The following ATG7 variants were observed in gnomAD, a reference collection of about 807,000 sequenced individuals.
The protein encoded by ATG7 is autophagy related 7.
Under a neutral mutation model 82.4 loss-of-function variants are expected in ATG7, and 70 were observed. The observed-to-expected ratio is 0.85, with a 90% CI of 0.70 to 1.04. The LOEUF (loss-of-function observed/expected upper bound fraction) is 1.04, where lower values mean the gene tolerates loss of function less well. Ranked by LOEUF, ATG7 falls within the 50% of genes least tolerant of loss-of-function variation. The pLI, the probability that ATG7 is intolerant of heterozygous loss-of-function variation, is 0.00. For synonymous variants in ATG7, 287 were observed against 313.0 expected (o/e 0.92, Z 0.88); for missense variants, 792 against 864.3 (o/e 0.92, Z 1.05).
intron 12 of ATG7, 75 bp from the exon 13 acceptor site, chr3:11,342,060 T>A (rs1176780317): frequency 4.2e-6 from 6 of 1,443,560 alleles, no homozygotes; most frequent in Non-Finnish European, 5.6e-6. Context: ...TTTTCTTGCA[T>A]AGCCACTTGA....
intron 20 of ATG7, among the ~76,000 whole-genome samples, chr3:11,531,076 G>A (rs1281184860): frequency 1.3e-5 from 2 of 152,202 alleles, no homozygotes; most frequent in South Asian, 2.1e-4. Flanking sequence ...TCGGCAGAGC[G>A]GGCTTCTTGC....
At chr3:11,439,888 A>T (rs1332095024) in intron 20 of ATG7, among the ~76,000 whole-genome samples, 1 of 152,184 alleles carries the variant, frequency 6.6e-6, no homozygotes, top group Non-Finnish European at 1.5e-5. Flanking sequence ...TGCCCTTTTG[A>T]TGCCCATAAC....
rs1278370057 is a variant in ATG7, at chr3:11,555,973, C to G, written c.*1130C>G. ...AGTCCAAGTTCCAGTGGCTGTCGTT[C>G]AGCTCATGGGAGCTTCATGGGGACA... On this transcript the variant is annotated 3_prime_UTR_variant, in exon 21 of 21. Transcript: ENST00000693202. 1 of 152,710 alleles carries G rather than the reference C, an allele frequency of 6.5e-6. No homozygotes were observed. The highest frequency in any genetic ancestry group is 1.5e-5 in the Non-Finnish European group (1 of 68,054). The allele number at this position is 152,710 out of a possible 1,614,324, so 9.5% of individuals were successfully genotyped here.
chr3:11,478,611 A>G (rs2088541271), intron 20 of ATG7, among the ~76,000 whole-genome samples: 1 of 152,198 alleles, frequency 6.6e-6, no homozygotes, highest in Non-Finnish European at 1.5e-5. Context: ...TTGGTTCCAT[A>G]TTAGAATCTG....
intron 20 of ATG7, among the ~76,000 whole-genome samples, chr3:11,464,966 A>C (rs78505701): frequency 6.6e-6 from 1 of 152,200 alleles, no homozygotes; most frequent in Admixed American, 6.5e-5. Context: ...TAAACACTCA[A>C]CAGATGCCAC....
chr3:11,551,699 G>A (rs1004412110), intron 20 of ATG7, among the ~76,000 whole-genome samples: 1 of 152,064 alleles, frequency 6.6e-6, no homozygotes, highest in Non-Finnish European at 1.5e-5. Context: ...CAAAGTGCTG[G>A]GATTACAGGC....
Position 11,340,664 on chromosome 3 carries a change from A to T in ATG7, c.909A>T (p.Gly303=). 1 of 1,613,682 alleles carries T rather than the reference A, an allele frequency of 6.2e-7. No individual in the cohort carries two copies. The highest frequency in any genetic ancestry group is 8.5e-7 in the Non-Finnish European group (1 of 1,179,744). ...CTTAAGATTGTCCTAAAGCAGTTGG[A>T]TGGGAAAAGAACCAGAAAGGAGGCA... ...AFSPDCPKAV[G]WEKNQKGGMG... Residue 303 remains glycine, a synonymous_variant, in exon 12 of 21, where the codon GGA becomes GGT. Transcript: ENST00000693202.
intron 19 of ATG7, among the ~76,000 whole-genome samples, chr3:11,390,775 A>G (rs1268847814): frequency 6.6e-6 from 1 of 152,060 alleles, no homozygotes; most frequent in African/African-American, 2.4e-5. Flanking sequence ...AAAGTACTGC[A>G]AGGCTTAAAA....
chr3:11,496,663 G>A (rs1397636506), intron 20 of ATG7, among the ~76,000 whole-genome samples: 1 of 152,122 alleles, frequency 6.6e-6, no homozygotes, highest in East Asian at 1.9e-4. Context: ...CACAGGAGGG[G>A]TCCCAAATAC....
At chr3:11,491,046 G>C (rs1018486065) in intron 20 of ATG7, among the ~76,000 whole-genome samples, 1 of 152,172 alleles carries the variant, frequency 6.6e-6, no homozygotes, top group African/African-American at 2.4e-5. Context: ...AATTTCTCCT[G>C]AATAATATCC....
At chr3:11,305,698 C>G (rs966753925) in intron 5 of ATG7, among the ~76,000 whole-genome samples, 8 of 152,152 alleles carry the variant, frequency 5.3e-5, no homozygotes, top group Non-Finnish European at 1.2e-4. Flanking sequence ...CTGACTCATA[C>G]CTCCCAAGAG....
rs11348094 is a variant in ATG7, at chr3:11,368,737, C to CA, written c.1875+4018dup. The stretch of plus-strand genomic sequence containing the variant: ...TGGGTAAGAGAGGGAGTCCCTGTCT[C>CA]AAAAAAAAAAAAAAAGGAATCAAGG... On this transcript the variant is annotated intron_variant, in intron 18 of 20. Coordinates refer to ENST00000693202, the MANE Select transcript of ATG7 (RefSeq NM_001349232.2). 7.1e-4 allele frequency among the ~76,000 whole-genome samples: 94 copies of CA among 132,960 alleles called. 1 individual carries two copies. Among genetic ancestry groups the CA allele is most frequent in the Middle Eastern group, 4.1e-3 (1 of 246 alleles). The allele number at this position is 132,960 out of a possible 152,430, so 87.2% of individuals were successfully genotyped here.
the ATG7 span, among the ~76,000 whole-genome samples, chr3:11,575,459 C>T: frequency 1.3e-5 from 2 of 152,180 alleles, no homozygotes; most frequent in Non-Finnish European, 2.9e-5. Context: ...GAGTCTGCCC[C>T]TCTCTCTCCT....
At chr3:11,534,082 C>G (rs536806495) in intron 20 of ATG7, among the ~76,000 whole-genome samples, 2 of 152,248 alleles carry the variant, frequency 1.3e-5, no homozygotes, top group African/African-American at 2.4e-5. Flanking sequence ...CCTCCTCCCC[C>G]CCCAGGGGAA....
chr3:11,440,398 C>T (rs2152966975), intron 20 of ATG7, among the ~76,000 whole-genome samples: 1 of 135,734 alleles, frequency 7.4e-6, no homozygotes, highest in Middle Eastern at 4.3e-3. Flanking sequence ...GATCTCGGCT[C>T]ACTGCAAGCT....
chr3:11,449,410 G>C (rs993321466), intron 20 of ATG7, among the ~76,000 whole-genome samples: 6 of 152,184 alleles, frequency 3.9e-5, no homozygotes, highest in East Asian at 1.9e-4. Context: ...TTTGGGGCCT[G>C]TAAGGCCCCA....
At chr3:11,435,790 A>C (rs1217203046) in intron 20 of ATG7, among the ~76,000 whole-genome samples, 5 of 152,226 alleles carry the variant, frequency 3.3e-5, no homozygotes, top group Non-Finnish European at 7.3e-5. Flanking sequence ...TTAAGTAAGA[A>C]GGCACCTTAC....
intron 17 of ATG7, 111 bp downstream of exon 17, chr3:11,363,039 T>A: frequency 1.1e-6 from 1 of 949,414 alleles, no homozygotes; most frequent in Non-Finnish European, 1.6e-6. Context: ...ATTTCACTAT[T>A]TCACCCTCAA....
At chr3:11,325,019 C>T (rs1304334098) in intron 9 of ATG7, among the ~76,000 whole-genome samples, 1 of 152,118 alleles carries the variant, frequency 6.6e-6, no homozygotes, top group Non-Finnish European at 1.5e-5. Context: ...TAGATTTGTT[C>T]AGATACACAA....
Sources: gnomAD v4.1 joint callset for allele counts (sites outside exome capture counted in the v4.1 genomes callset) on GRCh38, gnomAD v4.1.1 for gene constraint, MANE v1.5 for transcripts, NCBI Gene and HGNC (gene_info 2026-07-23, HGNC 2026-07-21) for gene names.